PDGFA: variants seen among roughly 807,000 people sequenced by gnomAD.
The protein encoded by PDGFA is platelet derived growth factor subunit A.
PDGFA carries 9 observed loss-of-function variants against 25.6 expected under a neutral mutation model. The ratio of observed to expected loss-of-function variants is 0.35; its 90% CI spans 0.21 to 0.61. The LOEUF is 0.61. PDGFA is among the 20% of genes least tolerant of loss of function. The pLI, the probability that PDGFA is intolerant of heterozygous loss-of-function variation, is 0.75. For synonymous variants in PDGFA, 133 were observed against 111.8 expected (o/e 1.19, Z -1.20); for missense variants, 242 against 272.8 (o/e 0.89, Z 0.79).
At chr7:502,690 C>T (rs901548311) in intron 4 of PDGFA, among the ~76,000 whole-genome samples, 1 of 152,104 alleles carries the variant, frequency 6.6e-6, no homozygotes, top group Non-Finnish European at 1.5e-5. Flanking sequence ...GCCCCTTCCC[C>T]GGGGAGCTGC....
rs1002775728 is a variant in PDGFA at position 517,888 on chromosome 7, G to T, written c.64-398C>A. ...AAAGATCAAGTTAAAATGCGTCACGGGTCGGCGAGAGTCACGGCAGCCCTA... is the reference window on the plus strand; with the variant it reads ...AAAGATCAAGTTAAAATGCGTCACGTGTCGGCGAGAGTCACGGCAGCCCTA... On this transcript the variant is annotated intron_variant, in intron 1 of 5. Transcript: ENST00000402802. The surrounding 1 kb of genome is among the most constrained non-coding windows in gnomAD (Gnocchi z 7.4). Among the ~76,000 whole-genome samples, 1 of 152,168 alleles carries T rather than the reference G, an allele frequency of 6.6e-6. No homozygotes were observed. The highest frequency in any genetic ancestry group is 2.4e-5 in the African/African-American group (1 of 41,450).
At chr7:508,204 G>A (rs996224858) in intron 4 of PDGFA, among the ~76,000 whole-genome samples, 1 of 152,110 alleles carries the variant, frequency 6.6e-6, no homozygotes, top group East Asian at 1.9e-4. Flanking sequence ...CACAACAGTG[G>A]GGGGCGGGGG....
Position 505,016 on chromosome 7 carries a change from A to G in PDGFA, c.454-3774T>C, listed in dbSNP as rs544161146. On this transcript the variant is annotated intron_variant, in intron 4 of 5. Transcript: ENST00000402802. ...CAGACAAGCCCGTTTTTATCAAACA[A>G]AAACAAACAGCGATGATTGCACCTG... 4.1e-4 allele frequency among the ~76,000 whole-genome samples: 63 copies of G among 152,372 alleles called. No individual in the cohort carries two copies. In the South Asian group the frequency reaches 0.011, roughly 27 times the overall value.
upstream of PDGFA, chr7:520,239 T>C: frequency 4.8e-6 from 1 of 207,840 alleles, no homozygotes; most frequent in Non-Finnish European, 1.0e-5. Context: ...CGCCCAGAGC[T>C]GCTGCGCCAA....
At chr7:516,052 C>CG (rs1215917614) in intron 2 of PDGFA, among the ~76,000 whole-genome samples, 2 of 120,188 alleles carry the variant, frequency 1.7e-5, no homozygotes, top group Non-Finnish European at 3.4e-5. Context: ...CCCCCCCCCC[C>CG]ACTTTTCCAA....
chr7:520,021 G>C (rs1265106694), upstream of PDGFA: 7 of 393,046 alleles, frequency 1.8e-5, no homozygotes, highest in Middle Eastern at 4.1e-4. Context: ...CCGCGGCAGG[G>C]AGCACACACG....
rs148051405 is a variant in PDGFA at position 506,795 on chromosome 7, C to T, written c.453+4014G>A. ...CGGCCAGTCACTCCCCCAGGGCTGCCGGTCAGTCACATCCTGGTGATCCCA... is the reference window on the plus strand; with the variant it reads ...CGGCCAGTCACTCCCCCAGGGCTGCTGGTCAGTCACATCCTGGTGATCCCA... On this transcript the variant is annotated intron_variant, in intron 4 of 5. Coordinates refer to ENST00000402802, the Ensembl canonical transcript of PDGFA. Among the ~76,000 whole-genome samples the T allele has an allele frequency of 1.3e-3, 198 of 152,306 alleles. 3 individuals are homozygous for T. The highest frequency in any genetic ancestry group is 9.2e-4 in the Admixed American group (14 of 15,300).
chr7:508,805 C>G (rs1254219240), intron 4 of PDGFA, among the ~76,000 whole-genome samples: 5 of 152,006 alleles, frequency 3.3e-5, no homozygotes, highest in Non-Finnish European at 7.4e-5. Flanking sequence ...GGTGCCAGCC[C>G]CAGCCAGGCC....
Position 497,939 on chromosome 7 carries a change from T to TAAAAAAAAAA in PDGFA, c.*615_*624dup, listed in dbSNP as rs35400797. The TAAAAAAAAAA allele has an allele frequency of 1.5e-3, 31 of 20,102 alleles. 1 individual carries two copies. Among genetic ancestry groups the TAAAAAAAAAA allele is most frequent in the Non-Finnish European group, 1.9e-3 (23 of 12,154 alleles). 1.2% of individuals were successfully genotyped at this position (20,102 alleles called of 1,614,324 possible). ...AAAGCTTAATAATCACTTTATGGTG[T>TAAAAAAAAAA]AAAAAAAAAAAAAAAAAAACAAAAA... On this transcript the variant is annotated 3_prime_UTR_variant, in exon 6 of 6. Transcript: ENST00000402802.
At chr7:520,561 G>C (rs2128410510), upstream of PDGFA, 1 of 152,408 alleles carries the variant, frequency 6.6e-6, no homozygotes, top group Admixed American at 6.5e-5. Flanking sequence ...CCCCACTCCC[G>C]CGCCGAAGGC....
upstream of PDGFA, chr7:520,050 A>C: frequency 5.0e-6 from 2 of 398,060 alleles, no homozygotes; most frequent in South Asian, 3.4e-5. Context: ...CAAGCAGCTA[A>C]ATCCATCAAA....
chr7:513,984 T>C (rs1000477934), intron 2 of PDGFA, among the ~76,000 whole-genome samples: 1 of 152,208 alleles, frequency 6.6e-6, no homozygotes, highest in Non-Finnish European at 1.5e-5. Context: ...AGCATTTCTT[T>C]TCATGAAAAA....
intron 2 of PDGFA, among the ~76,000 whole-genome samples, chr7:513,778 G>T (rs1267178094): frequency 6.6e-6 from 1 of 152,190 alleles, no homozygotes; most frequent in Non-Finnish European, 1.5e-5. Flanking sequence ...GCACCCCCGA[G>T]GAGCCTGCGG....
intron 2 of PDGFA, chr7:512,857 G>C: frequency 3.0e-6 from 1 of 336,848 alleles, no homozygotes; most frequent in South Asian, 2.5e-5. Flanking sequence ...CTCCCCGAGG[G>C]GCACAGGGCT....
At position 500,655 on chromosome 7, in the gene PDGFA, G is replaced by T; in HGVS notation, c.580+461C>A. 2 of 1,470,432 alleles carry T rather than the reference G, an allele frequency of 1.4e-6. No individual in the cohort carries two copies. Among genetic ancestry groups the T allele is most frequent in the East Asian group, 4.9e-5 (2 of 40,462 alleles). The allele number at this position is 1,470,432 out of a possible 1,614,324, so 91.1% of individuals were successfully genotyped here. On this transcript the variant is annotated intron_variant, in intron 5 of 5. Transcript: ENST00000402802. The surrounding 1 kb of genome is among the most constrained non-coding windows in gnomAD (Gnocchi z 5.0). Reference sequence around the variant, plus strand: ...CTTCTGAGTCCCCTCATGCTCCCAGGGCCCAGCCATAGCAGGGCACAGAAG... The same window carrying T: ...CTTCTGAGTCCCCTCATGCTCCCAGTGCCCAGCCATAGCAGGGCACAGAAG...
chr7:516,050 C>T (rs1284044169), intron 2 of PDGFA, among the ~76,000 whole-genome samples: 1 of 33,308 alleles, frequency 3.0e-5, no homozygotes. Context: ...GCCCCCCCCC[C>T]CCACTTTTCC....
At chr7:497,340 TATTAGGTAA>T (rs1432151128) in exon 6 of PDGFA, 1 of 151,720 alleles carries the variant, frequency 6.6e-6, no homozygotes, top group Non-Finnish European at 1.5e-5. Context: ...AAACAGGTAA[TATTAGGTAA>T]ACATACAAAC....
At chr7:519,121 G>A in exon 1 of PDGFA, 1 of 673,632 alleles carries the variant, frequency 1.5e-6, no homozygotes, top group Non-Finnish European at 2.3e-6. Context: ...CCGGAGGAGG[G>A]TGGCGCGGGG....
rs563975538 is a variant in PDGFA, at chr7:507,504, G to A, written c.453+3305C>T. ...CCTCCTCAGGGGGCCGGGGGAGGGA[G>A]AGAACACTGCCCTGTAGGGCCAAGC... On this transcript the variant is annotated intron_variant, in intron 4 of 5. Transcript: ENST00000402802. 3.3e-5 allele frequency among the ~76,000 whole-genome samples: 5 copies of A among 152,338 alleles called. No homozygotes were observed. In the South Asian group the frequency reaches 8.3e-4, roughly 25 times the overall value.
Sources: allele counts gnomAD v4.1 joint callset (sites outside exome capture counted in the v4.1 genomes callset), GRCh38; gene constraint gnomAD v4.1.1; non-coding constraint Gnocchi (gnomAD v3.1); transcripts MANE v1.5; gene names NCBI Gene and HGNC (gene_info 2026-07-23, HGNC 2026-07-21).